STAG2: variants seen among roughly 807,000 people sequenced by gnomAD.
The protein encoded by STAG2 is cohesin subunit SA-2.
Under a neutral mutation model 108.1 loss-of-function variants are expected in STAG2, and 14 were observed. That is an observed-to-expected ratio of 0.13 (90% CI 0.09 to 0.20). The LOEUF is 0.20. Ranked by LOEUF, STAG2 falls within the 10% of genes least tolerant of loss-of-function variation. The pLI, the probability that STAG2 is intolerant of heterozygous loss-of-function variation, is 1.00. For missense variants in STAG2, 440 were observed against 940.9 expected (o/e 0.47, Z 6.96); for synonymous variants, 307 against 302.7 (o/e 1.01, Z -0.15).
At chrX:124,057,451 A>C (rs1461671918) in intron 14 of STAG2, among the ~76,000 whole-genome samples, 1 of 112,162 alleles carries the variant, frequency 8.9e-6, no homozygotes, top group African/African-American at 3.2e-5. Context: ...AAAGGACAGT[A>C]AGTTGGGGTA....
At chrX:124,000,430 G>A (rs1438773708) in intron 1 of STAG2, among the ~76,000 whole-genome samples, 2 of 111,374 alleles carry the variant, frequency 1.8e-5, no homozygotes. Flanking sequence ...AACACTTTGG[G>A]AGGCTGAGAC....
chrX:124,028,992 TATATA>T (rs1569507150), intron 4 of STAG2, among the ~76,000 whole-genome samples: 6 of 91,504 alleles, frequency 6.6e-5, no homozygotes, highest in African/African-American at 1.7e-4. Context: ...TATTTATATA[TATATA>T]TATATATATA....
chrX:124,029,970 A>AC (rs1296881030), intron 4 of STAG2, among the ~76,000 whole-genome samples: 22 of 108,327 alleles, frequency 2.0e-4, no homozygotes, highest in Non-Finnish European at 3.8e-4. Context: ...GCGCGTCCCC[A>AC]CCCCCCACCA....
chrX:124,018,207 A>C (rs1186265467), intron 1 of STAG2, among the ~76,000 whole-genome samples: 2 of 112,336 alleles, frequency 1.8e-5, no homozygotes, highest in East Asian at 5.6e-4. Flanking sequence ...GAAAACCTCA[A>C]AAGTTTTTTC....
At chrX:123,966,446 C>T (rs1009396004) in intron 1 of STAG2, among the ~76,000 whole-genome samples, 6 of 108,399 alleles carry the variant, frequency 5.5e-5, no homozygotes, top group Admixed American at 1.0e-4. Context: ...TGGGCGACAG[C>T]GAGACTCCGT....
rs765923401 is a variant in STAG2 at position 124,090,556 on chromosome X, C to T, written c.3278-19C>T. ...GTCAAAATTAGTGACTAAACCTCGT[C>T]GTTAATTTTCTTTTCCAGCTGAAGA... On this transcript the variant is annotated intron_variant, in intron 30 of 34. Coordinates refer to ENST00000371145, the MANE Select transcript of STAG2 (RefSeq NM_001042750.2). 18 of 1,191,474 alleles carry T rather than the reference C, an allele frequency of 1.5e-5. No individual in the cohort carries two copies. In the South Asian group the frequency reaches 1.8e-4, roughly 12 times the overall value.
chrX:124,082,209 CTTACTTTGTAG>C (rs1214630381), intron 28 of STAG2, among the ~76,000 whole-genome samples: 1 of 111,813 alleles, frequency 8.9e-6, no homozygotes, highest in Non-Finnish European at 1.9e-5. Context: ...GTTCTGCACT[CTTACTTTGTAG>C]TGACCTTTTC....
intron 20 of STAG2, 122 bp downstream of exon 20, chrX:124,064,173 A>G (rs1603087503): frequency 9.8e-6 from 5 of 508,850 alleles, no homozygotes; most frequent in African/African-American, 2.4e-5. Context: ...AAAGATGTTC[A>G]GGCTTTTCAT....
chrX:123,998,516 G>A (rs1257643285), intron 1 of STAG2, among the ~76,000 whole-genome samples: 3 of 103,830 alleles, frequency 2.9e-5, no homozygotes, highest in South Asian at 4.3e-4. Flanking sequence ...CAGTTATATC[G>A]TTTTCCACAG....
At chrX:124,029,997 T>C (rs1225681863) in intron 4 of STAG2, among the ~76,000 whole-genome samples, 3 of 110,737 alleles carry the variant, frequency 2.7e-5, no homozygotes, top group African/African-American at 9.9e-5. Context: ...ACAACTTTTG[T>C]TATAATGGGC....
At chrX:124,000,138 A>G (rs1352608836) in intron 1 of STAG2, among the ~76,000 whole-genome samples, 8 of 110,161 alleles carry the variant, frequency 7.3e-5, no homozygotes, top group Admixed American at 2.0e-4. Flanking sequence ...TGATCGTCCT[A>G]TAATATTGTA....
At chrX:123,998,582 C>T (rs1438253981) in intron 1 of STAG2, among the ~76,000 whole-genome samples, 1 of 71,005 alleles carries the variant, frequency 1.4e-5, no homozygotes, top group African/African-American at 5.7e-5. Flanking sequence ...TTTTGTCTGT[C>T]TATCCATCTA....
chrX:124,009,392 C>CAGGTAGGTAGGTAGGTAGGTAGGTAGGT (rs748240892), intron 1 of STAG2, among the ~76,000 whole-genome samples: 26 of 90,546 alleles, frequency 2.9e-4, no homozygotes, highest in African/African-American at 1.1e-3. Flanking sequence ...GTAATCTAAC[C>CAGGTAGGTAGGTAGGTAGGTAGGTAGGT]AGGTAGGTAG....
At chrX:124,029,542 C>T (rs896077364) in intron 4 of STAG2, among the ~76,000 whole-genome samples, 1 of 107,118 alleles carries the variant, frequency 9.3e-6, no homozygotes, top group African/African-American at 3.4e-5. Context: ...AACTTCTGAG[C>T]TCAGGCAATC....
intron 30 of STAG2, among the ~76,000 whole-genome samples, chrX:124,089,345 T>C (rs1028857103): frequency 6.2e-5 from 7 of 112,789 alleles, no homozygotes; most frequent in Admixed American, 9.4e-5. Context: ...ATTTGACTTA[T>C]TAATTATGGC....
At chrX:123,983,507 T>C (rs1253357239) in intron 1 of STAG2, among the ~76,000 whole-genome samples, 1 of 111,315 alleles carries the variant, frequency 9.0e-6, no homozygotes, top group Non-Finnish European at 1.9e-5. Context: ...TACTGTAGTG[T>C]AATCTTTTTA....
chrX:124,089,986 C>A (rs1352508686), intron 30 of STAG2, among the ~76,000 whole-genome samples: 4 of 108,504 alleles, frequency 3.7e-5, no homozygotes, highest in Non-Finnish European at 5.7e-5. Context: ...CGTGCTGAAA[C>A]CCTGTCTCTA....
At chrX:124,000,028 C>T (rs1233341337) in intron 1 of STAG2, among the ~76,000 whole-genome samples, 1 of 109,661 alleles carries the variant, frequency 9.1e-6, no homozygotes, top group Non-Finnish European at 1.9e-5. Context: ...TCTCTTAAGC[C>T]TCAACTCTAA....
chrX:123,970,743 A>G (rs765149792), intron 1 of STAG2, among the ~76,000 whole-genome samples: 8 of 112,104 alleles, frequency 7.1e-5, no homozygotes, highest in South Asian at 7.4e-4. Context: ...TTCAAAATCT[A>G]TAAAAAGTCA....
Sources: gnomAD v4.1 joint callset for allele counts (sites outside exome capture counted in the v4.1 genomes callset) on GRCh38, gnomAD v4.1.1 for gene constraint, MANE v1.5 for transcripts, NCBI Gene and HGNC (gene_info 2026-07-23, HGNC 2026-07-21) for gene names.